SLC2A10: variants seen among roughly 807,000 people sequenced by gnomAD.
The protein encoded by SLC2A10 is solute carrier family 2, facilitated glucose transporter member 10.
Under a neutral mutation model 32.1 loss-of-function variants are expected in SLC2A10, and 25 were observed. That is an observed-to-expected ratio of 0.78 (90% CI 0.57 to 1.09). The LOEUF is 1.09. Ranked by LOEUF, SLC2A10 falls within the 50% of genes least tolerant of loss-of-function variation. The probability of loss-of-function intolerance (pLI) is 0.00; values close to 1 mark genes in which losing one functional copy is unlikely to be tolerated. For synonymous variants in SLC2A10, 332 were observed against 309.6 expected, an observed-to-expected ratio of 1.07 and a Z score of -0.76; for missense variants, 673 against 686.5, an observed-to-expected ratio of 0.98 and a Z score of 0.22.
In SLC2A10 at chr20:46,734,016, T is replaced by G. The variant is rs886056729; in HGVS notation, c.*182T>G. The G allele has an allele frequency of 2.2e-5, 15 of 666,838 alleles. No individual in the cohort carries two copies. The highest frequency in any genetic ancestry group is 1.5e-4 in the Admixed American group (7 of 46,900). The allele number at this position is 666,838 out of a possible 1,614,324, so 41.3% of individuals were successfully genotyped here. Reference sequence around the variant, plus strand: ...AGTCTGAGAATGCCCAACTCTTCATTTTGAGTCTCAGGCCCTGAAGGTTCC... The same window carrying G: ...AGTCTGAGAATGCCCAACTCTTCATGTTGAGTCTCAGGCCCTGAAGGTTCC... On this transcript the variant is annotated 3_prime_UTR_variant, in exon 5 of 5. Transcript: ENST00000359271.
intron 4 of SLC2A10, among the ~76,000 whole-genome samples, chr20:46,732,156 A>C (rs1211762373): frequency 6.6e-6 from 1 of 152,236 alleles, no homozygotes; most frequent in East Asian, 1.9e-4. Context: ...TGCTTTAAGG[A>C]CACATTAGTA....
At position 46,733,141 on chromosome 20, in the gene SLC2A10, A is replaced by T. The variant is rs187565970; in HGVS notation, c.1548-615A>T. Among the ~76,000 whole-genome samples, 258 of 152,294 alleles carry T rather than the reference A, an allele frequency of 1.7e-3. 2 individuals are homozygous for T. The highest frequency in any genetic ancestry group is 3.1e-3 in the Non-Finnish European group (210 of 68,016). On this transcript the variant is annotated intron_variant, in intron 4 of 4. Transcript: ENST00000359271. ...GTAATTTATAAAGAAAAGAGGTTTA[A>T]TTGGCTCACAGTTCTGCACTCTGTA...
chr20:46,726,367 C>T (rs752619222), intron 2 of SLC2A10, 43 bp downstream of exon 2: 2 of 1,573,450 alleles, frequency 1.3e-6, no homozygotes, highest in Non-Finnish European at 1.7e-6. Flanking sequence ...GACTTCTACC[C>T]CTCCTAGGGG....
intron 4 of SLC2A10, 109 bp from the exon 5 acceptor site, chr20:46,733,647 T>C (rs1272906752): frequency 1.2e-6 from 1 of 837,652 alleles, no homozygotes; most frequent in Non-Finnish European, 2.1e-6. Flanking sequence ...AGGGTCATGG[T>C]AGGAGTGAAG....
chr20:46,729,625 G>GTTTTTTTTTTTTTT (rs68037732), intron 4 of SLC2A10, 137 bp downstream of exon 4: 1 of 257,284 alleles, frequency 3.9e-6, no homozygotes, highest in Non-Finnish European at 6.5e-6. Flanking sequence ...GGCACTATGA[G>GTTTTTTTTTTTTTT]TTTTTTTTTT....
At chr20:46,712,418 C>A (rs977272680) in intron 1 of SLC2A10, among the ~76,000 whole-genome samples, 5 of 152,058 alleles carry the variant, frequency 3.3e-5, no homozygotes, top group Admixed American at 6.5e-5. Context: ...GTTCTCCCCC[C>A]TCCCCCTGCC....
At chr20:46,723,568 C>G (rs1979678809) in intron 1 of SLC2A10, among the ~76,000 whole-genome samples, 1 of 152,204 alleles carries the variant, frequency 6.6e-6, no homozygotes, top group Non-Finnish European at 1.5e-5. Context: ...TGTTGGGACT[C>G]ATAAAAAATG....
chr20:46,724,617 T>C (rs1463727659), intron 1 of SLC2A10, among the ~76,000 whole-genome samples: 1 of 146,844 alleles, frequency 6.8e-6, no homozygotes, highest in Admixed American at 6.8e-5. Flanking sequence ...ATGGTGTAGA[T>C]GGATGGTGGT....
chr20:46,713,743 G>T (rs1048057385), intron 1 of SLC2A10, among the ~76,000 whole-genome samples: 1 of 152,146 alleles, frequency 6.6e-6, no homozygotes, highest in Non-Finnish European at 1.5e-5. Flanking sequence ...AGGTGAAATA[G>T]CCCTGGTCCT....
Position 46,733,781 on chromosome 20 carries a change from C to T in SLC2A10, c.1573C>T (p.Gln525Ter). The T allele has an allele frequency of 1.2e-6, 2 of 1,614,146 alleles. No homozygotes were observed. The highest frequency in any genetic ancestry group is 2.2e-5 in the South Asian group (2 of 91,080). The change falls in exon 5 of 5, where the codon CAG becomes TAG. Residue 525 changes from glutamine to a stop codon, truncating the protein, a stop_gained. Transcript: ENST00000359271. LOFTEE classifies it high-confidence loss of function. ...RRFTLSFGHR[Q>*]NSTGIPYSRI... ...GTTCACCCTGAGCTTTGGCCACAGG[C>T]AGAACTCCACTGGCATCCCGTACAG...
intron 4 of SLC2A10, 120 bp downstream of exon 4, chr20:46,729,608 T>C (rs1191229349): frequency 3.2e-6 from 3 of 947,728 alleles, no homozygotes; most frequent in Admixed American, 2.1e-5. Context: ...GTCTTCCTTA[T>C]TGCCTGGGCA....
At position 46,715,810 on chromosome 20, in the gene SLC2A10, A is replaced by G. The variant is rs181438100; in HGVS notation, c.4+6070A>G. Among the ~76,000 whole-genome samples, 149 of 152,240 alleles carry G rather than the reference A, an allele frequency of 9.8e-4. 1 individual carries two copies. The highest frequency in any genetic ancestry group is 3.4e-3 in the African/African-American group (141 of 41,542). ...ACCCAGACAGCCTGGCTTTCATTCT[A>G]TCCTCAGCTGCTTACAACTTTTTTT... is the stretch of plus-strand genomic sequence containing the variant. On this transcript the variant is annotated intron_variant, in intron 1 of 4. Transcript: ENST00000359271.
At chr20:46,720,934 A>C (rs1332589486) in intron 1 of SLC2A10, among the ~76,000 whole-genome samples, 2 of 152,116 alleles carry the variant, frequency 1.3e-5, no homozygotes, top group Non-Finnish European at 2.9e-5. Flanking sequence ...TCTTATATCT[A>C]CTAGTTCTCT....
intron 1 of SLC2A10, among the ~76,000 whole-genome samples, chr20:46,717,865 A>G (rs963120604): frequency 6.6e-6 from 1 of 152,198 alleles, no homozygotes; most frequent in Non-Finnish European, 1.5e-5. Context: ...TCTGGGGTGA[A>G]CAGGTTTCAG....
rs1979899955 is a variant in SLC2A10, at chr20:46,725,856, GT to G, written c.821del (p.Val274GlyfsTer6). On this transcript the variant is annotated frameshift_variant, in exon 2 of 5. Transcript: ENST00000359271. LOFTEE classifies it high-confidence loss of function. ...GGGATCCTCAGCCGTGCTGGCCTCT[GT>G]GGGGCTTGGCGCAGTGAAGGTGGCA... The part of the protein sequence containing the change: ...HGGSSAVLAS[V>X]GLGAVKVAAT... 6.2e-7 allele frequency: 1 copy of G among 1,614,142 alleles called. No individual in the cohort carries two copies. Among genetic ancestry groups the G allele is most frequent in the East Asian group, 2.2e-5 (1 of 44,898 alleles).
At chr20:46,728,670 T>C (rs762565499) in intron 3 of SLC2A10, among the ~76,000 whole-genome samples, 23 of 141,432 alleles carry the variant, frequency 1.6e-4, no homozygotes, top group Admixed American at 1.4e-3. Flanking sequence ...CAGGGTGGAG[T>C]GCAGTGGCAT....
chr20:46,713,245 G>C (rs1272747714), intron 1 of SLC2A10, among the ~76,000 whole-genome samples: 1 of 152,132 alleles, frequency 6.6e-6, no homozygotes, highest in Non-Finnish European at 1.5e-5. Context: ...CAATAAATAT[G>C]TAAAATATGT....
upstream of SLC2A10, chr20:46,709,575 G>A: frequency 1.1e-6 from 1 of 893,182 alleles, no homozygotes; most frequent in African/African-American, 1.8e-5. Context: ...CTGGCTGGCC[G>A]ACGTGGCGTT....
chr20:46,729,552 G>A, intron 4 of SLC2A10, 64 bp downstream of exon 4: 1 of 1,575,300 alleles, frequency 6.3e-7, no homozygotes, highest in Non-Finnish European at 8.7e-7. Context: ...CACAGCTTCA[G>A]GATTTTAGTC....
Sources: gnomAD v4.1 joint callset for allele counts (sites outside exome capture counted in the v4.1 genomes callset) on GRCh38, gnomAD v4.1.1 for gene constraint, MANE v1.5 for transcripts, NCBI Gene and HGNC (gene_info 2026-07-23, HGNC 2026-07-21) for gene names.